IGSF11: variants seen among roughly 807,000 people sequenced by gnomAD.
IGSF11 encodes the protein immunoglobulin superfamily member 11, also known as CXADR like 1.
A neutral mutation model predicts 41.0 loss-of-function variants in IGSF11; 22 were observed. That is an observed-to-expected ratio of 0.54 (90% confidence interval 0.38 to 0.77). The LOEUF is 0.77. IGSF11 is among the 30% of genes least tolerant of loss of function. The pLI is 0.00. For missense variants in IGSF11, 444 were observed against 530.8 expected (o/e 0.84, Z 1.61); for synonymous variants, 219 against 201.3 (o/e 1.09, Z -0.74).
intron 1 of IGSF11, among the ~76,000 whole-genome samples, chr3:118,996,790 G>A (rs555611237): frequency 3.3e-5 from 5 of 151,834 alleles, no homozygotes; most frequent in African/African-American, 7.3e-5. Flanking sequence ...TAGTAGAGAC[G>A]GGGTTTCACC....
At chr3:119,034,414 G>T in intron 1 of IGSF11, 117 bp downstream of exon 1, 8 of 1,051,106 alleles carry the variant, frequency 7.6e-6, no homozygotes, top group Non-Finnish European at 1.0e-5. Context: ...CCCTGAGAAA[G>T]TTGGACTCCC....
intron 1 of IGSF11, among the ~76,000 whole-genome samples, chr3:119,001,727 T>A (rs968914610): frequency 6.7e-5 from 10 of 150,226 alleles, no homozygotes; most frequent in African/African-American, 2.2e-4. Context: ...CAGTGTTTGG[T>A]TTTTTGTTCT....
chr3:119,094,692 A>G (rs1404650594), intron 1 of IGSF11, among the ~76,000 whole-genome samples: 2 of 142,248 alleles, frequency 1.4e-5, no homozygotes, highest in African/African-American at 5.1e-5. Flanking sequence ...TTTTTTTTAG[A>G]CTGAGTTTCA....
intron 1 of IGSF11, among the ~76,000 whole-genome samples, chr3:119,028,886 A>G (rs1940087346): frequency 6.6e-6 from 1 of 152,092 alleles, no homozygotes. Context: ...AGCTCTGTGG[A>G]TTGTACCAAC....
intron 1 of IGSF11, among the ~76,000 whole-genome samples, chr3:118,952,609 A>AT (rs990832717): frequency 6.6e-6 from 1 of 152,084 alleles, no homozygotes; most frequent in Non-Finnish European, 1.5e-5. Flanking sequence ...TTCAGGCTCC[A>AT]TTTTTTTAAG....
rs1211513038 is a variant in IGSF11, at chr3:118,904,671, T to C, written c.831A>G (p.Glu277=). 1 of 1,610,242 alleles carries C rather than the reference T, an allele frequency of 6.2e-7. No individual in the cohort carries two copies. The highest frequency in any genetic ancestry group is 1.1e-5 in the South Asian group (1 of 90,180). The change falls in exon 6 of 7, where the codon GAA becomes GAG. Residue 277 remains glutamate, a synonymous_variant. Transcript: ENST00000393775. ...ACCTTATTTCATTAGGAATTTCTTC[T>C]TCTTCCTCCTCTTTATTTTTGCTTC... is the stretch of plus-strand genomic sequence containing the variant. ...YWRSKNKEEE[E]EEIPNEIRED... is the part of the protein sequence containing the mutation.
chr3:119,034,865 T>A (rs1940796912), upstream of IGSF11: 1 of 1,203,488 alleles, frequency 8.3e-7, no homozygotes. Flanking sequence ...CCTCGCGCAG[T>A]CCGGGGAGCC....
At chr3:119,112,548 G>C (rs6785542) in intron 1 of IGSF11, 1 of 152,432 alleles carries the variant, frequency 6.6e-6, no homozygotes, top group Non-Finnish European at 1.5e-5. Flanking sequence ...TGCGCTTCCC[G>C]AGTGAGGCAA....
chr3:119,108,527 T>C (rs969369485), upstream of IGSF11, among the ~76,000 whole-genome samples: 111 of 149,322 alleles, frequency 7.4e-4, 1 homozygote, highest in Non-Finnish European at 1.2e-3. Flanking sequence ...AATCATGTCA[T>C]CTGCAAACAG....
chr3:119,101,717 A>G (rs145995785), intron 1 of IGSF11, among the ~76,000 whole-genome samples: 2 of 152,316 alleles, frequency 1.3e-5, no homozygotes, highest in African/African-American at 4.8e-5. Flanking sequence ...ACATCTTTTC[A>G]TATACCTAAT....
intron 1 of IGSF11, among the ~76,000 whole-genome samples, chr3:119,092,561 C>G (rs1008530108): frequency 6.6e-6 from 1 of 152,052 alleles, no homozygotes; most frequent in Non-Finnish European, 1.5e-5. Context: ...AACTCCTGAC[C>G]TCAGGTGATC....
At chr3:119,092,564 A>G (rs527409575) in intron 1 of IGSF11, among the ~76,000 whole-genome samples, 3 of 152,102 alleles carry the variant, frequency 2.0e-5, no homozygotes, top group Non-Finnish European at 4.4e-5. Context: ...TCCTGACCTC[A>G]GGTGATCCAC....
intron 1 of IGSF11, among the ~76,000 whole-genome samples, chr3:119,045,963 G>C (rs1941331852): frequency 1.3e-5 from 2 of 151,854 alleles, no homozygotes; most frequent in South Asian, 4.2e-4. Context: ...CTAACAAACA[G>C]AAAAGACATC....
chr3:118,961,770 C>T (rs1945352158), intron 1 of IGSF11, among the ~76,000 whole-genome samples: 1 of 152,110 alleles, frequency 6.6e-6, no homozygotes, highest in African/African-American at 2.4e-5. Flanking sequence ...CAGTTTGCTT[C>T]TTGTTGTCAC....
At chr3:118,928,836 TATG>T (rs1382425994) in intron 2 of IGSF11, 120 bp from the exon 3 acceptor site, 4 of 704,278 alleles carry the variant, frequency 5.7e-6, no homozygotes, top group African/African-American at 3.6e-5. Flanking sequence ...TTATTTCTAA[TATG>T]ATAATTATCA....
intron 1 of IGSF11, among the ~76,000 whole-genome samples, chr3:119,050,029 C>T (rs1401896774): frequency 1.4e-5 from 2 of 147,004 alleles, no homozygotes; most frequent in African/African-American, 5.1e-5. Flanking sequence ...AACGTTAGAC[C>T]TAAAACCATA....
chr3:118,983,824 G>T (rs1461618340), intron 1 of IGSF11, among the ~76,000 whole-genome samples: 2 of 151,782 alleles, frequency 1.3e-5, no homozygotes, highest in Non-Finnish European at 1.5e-5. Context: ...AAATCACAGG[G>T]GTAAAAAAAG....
chr3:118,973,705 G>A (rs1253249913), intron 1 of IGSF11, among the ~76,000 whole-genome samples: 3 of 152,214 alleles, frequency 2.0e-5, no homozygotes, highest in Admixed American at 6.5e-5. Flanking sequence ...GTGAGGTACT[G>A]AATTGGACCT....
chr3:119,122,837 C>T (rs938132419), intron 1 of IGSF11, among the ~76,000 whole-genome samples: 1 of 152,196 alleles, frequency 6.6e-6, no homozygotes, highest in Non-Finnish European at 1.5e-5. Flanking sequence ...GAATAACCAG[C>T]AGTGATACCC....
Sources: allele counts gnomAD v4.1 joint callset (sites outside exome capture counted in the v4.1 genomes callset), GRCh38; gene constraint gnomAD v4.1.1; transcripts MANE v1.5; gene names NCBI Gene and HGNC (gene_info 2026-07-23, HGNC 2026-07-21).